Variants in MYT1L observed in about 807,000 individuals in gnomAD.
MYT1L encodes the protein myelin transcription factor 1 like, also known as myelin transcription factor 1-like protein.
A neutral mutation model predicts 126.7 loss-of-function variants in MYT1L; 12 were observed. That is an observed-to-expected ratio of 0.09 (90% confidence interval 0.06 to 0.15). The LOEUF is 0.15. MYT1L is among the 10% of genes least tolerant of loss of function. The pLI, the probability that MYT1L is intolerant of heterozygous loss-of-function variation, is 1.00. For missense variants in MYT1L, 979 were observed against 1,585.2 expected, an observed-to-expected ratio of 0.62 and a Z score of 6.49; for synonymous variants, 541 against 604.2, an observed-to-expected ratio of 0.90 and a Z score of 1.53.
At chr2:2,092,330 C>T (rs540718031) in intron 3 of MYT1L, among the ~76,000 whole-genome samples, 6 of 152,194 alleles carry the variant, frequency 3.9e-5, no homozygotes, top group East Asian at 1.9e-4. Flanking sequence ...GAATGACTGG[C>T]GGAACAGTCA....
At position 1,917,168 on chromosome 2, in the gene MYT1L, T is replaced by C. The variant is rs1314112816; in HGVS notation, c.1618+37A>G. 3 of 1,596,314 alleles carry C rather than the reference T, an allele frequency of 1.9e-6. No homozygotes were observed. The highest frequency in any genetic ancestry group is 2.6e-6 in the Non-Finnish European group (3 of 1,167,346). On this transcript the variant is annotated intron_variant, in intron 11 of 24. Transcript: ENST00000647738. This position sits in a 1 kb window ranked among gnomAD's most constrained non-coding sequence, Gnocchi z 5.9. ...ATGACAGAGACAGAGTCATGGGTGT[T>C]TGCACCCCCAAGGGTAGCGGTGAGA...
intron 19 of MYT1L, among the ~76,000 whole-genome samples, chr2:1,843,388 G>A (rs1030005187): frequency 6.6e-6 from 1 of 152,180 alleles, no homozygotes; most frequent in Non-Finnish European, 1.5e-5. Context: ...AGGAACCAAG[G>A]GGGGAATTAC....
In MYT1L at chr2:2,186,276, G is replaced by C. The variant is rs959735753; in HGVS notation, c.-420-13288C>G. Among the ~76,000 whole-genome samples, 46 of 150,494 alleles carry C rather than the reference G, an allele frequency of 3.1e-4. 1 individual carries two copies. Among genetic ancestry groups the C allele is most frequent in the African/African-American group, 1.1e-3 (43 of 40,674 alleles). On this transcript the variant is annotated intron_variant, in intron 2 of 24. Transcript: ENST00000647738. Reference sequence around the variant, plus strand: ...CCTTCCGGGCCTTCCCGAGTCCCGCGTTCCTTTCGTGAGGGGGACGTAGCC... The same window carrying C: ...CCTTCCGGGCCTTCCCGAGTCCCGCCTTCCTTTCGTGAGGGGGACGTAGCC...
intron 1 of MYT1L, among the ~76,000 whole-genome samples, chr2:2,318,782 A>G (rs148656959): frequency 1.3e-5 from 2 of 152,328 alleles, no homozygotes; most frequent in African/African-American, 4.8e-5. Flanking sequence ...ATATACAAGA[A>G]CCTAGCATCA....
chr2:1,802,276 T>A (rs2034996355), intron 22 of MYT1L, among the ~76,000 whole-genome samples: 3 of 152,020 alleles, frequency 2.0e-5, no homozygotes, highest in Non-Finnish European at 4.4e-5. Flanking sequence ...CTCACTCAGG[T>A]CAGGTTCTGG....
At chr2:2,144,285 C>T (rs2084527107) in intron 3 of MYT1L, among the ~76,000 whole-genome samples, 1 of 152,218 alleles carries the variant, frequency 6.6e-6, no homozygotes, top group East Asian at 1.9e-4. Context: ...CCCAGCCACC[C>T]CCACGCCTGG....
At position 1,979,050 on chromosome 2, in the gene MYT1L, G is replaced by T; in HGVS notation, c.152+115C>A. 1.3e-6 allele frequency: 1 copy of T among 772,932 alleles called. No individual in the cohort carries two copies. Among genetic ancestry groups the T allele is most frequent in the Non-Finnish European group, 2.2e-6 (1 of 460,192 alleles). The allele number at this position is 772,932 out of a possible 1,614,324, so 47.9% of individuals were successfully genotyped here. ...GTTCCAGTGTGAGAAGAAAAAGAAG[G>T]CATAATGTGTATTGCTTTCCAAGAA... On this transcript the variant is annotated intron_variant, in intron 8 of 24. Transcript: ENST00000647738. This position sits in a 1 kb window ranked among gnomAD's most constrained non-coding sequence, Gnocchi z 4.0.
intron 21 of MYT1L, among the ~76,000 whole-genome samples, chr2:1,818,894 G>C (rs1220720008): frequency 1.3e-5 from 2 of 152,190 alleles, no homozygotes; most frequent in Non-Finnish European, 2.9e-5. Flanking sequence ...AGCGTTTCTA[G>C]AACAGTGACC....
At chr2:1,973,844 C>G (rs1411532082) in intron 8 of MYT1L, among the ~76,000 whole-genome samples, 1 of 152,224 alleles carries the variant, frequency 6.6e-6, no homozygotes, top group African/African-American at 2.4e-5. Context: ...GCTCCCCAGG[C>G]CTCCCACACC....
intron 2 of MYT1L, among the ~76,000 whole-genome samples, chr2:2,261,918 T>C (rs907284719): frequency 3.3e-5 from 5 of 152,160 alleles, no homozygotes; most frequent in African/African-American, 9.7e-5. Flanking sequence ...GGGAAACAAA[T>C]TGTTGGAATG....
At chr2:1,857,993 G>A (rs549656162) in intron 18 of MYT1L, among the ~76,000 whole-genome samples, 5 of 152,054 alleles carry the variant, frequency 3.3e-5, no homozygotes, top group Non-Finnish European at 7.4e-5. Flanking sequence ...CTTCCCAGCA[G>A]CTGGGATTAC....
intron 1 of MYT1L, among the ~76,000 whole-genome samples, chr2:2,314,470 A>C (rs747643761): frequency 1.3e-5 from 2 of 152,220 alleles, no homozygotes; most frequent in African/African-American, 2.4e-5. Context: ...TTCAGGGCTC[A>C]TCCCAGATTC....
intron 2 of MYT1L, among the ~76,000 whole-genome samples, chr2:2,205,055 T>C (rs76723380): frequency 0.019 from 2,641 of 136,900 alleles, 28 homozygotes; most frequent in Non-Finnish European, 0.031. Context: ...AGGTGGGAAT[T>C]GAACAATGAG....
chr2:2,286,720 C>T (rs1371933683), intron 1 of MYT1L, among the ~76,000 whole-genome samples: 2 of 152,136 alleles, frequency 1.3e-5, no homozygotes, highest in Non-Finnish European at 2.9e-5. Flanking sequence ...CATCTGTGGT[C>T]AAGGGTGCCA....
chr2:1,845,798 A>G (rs974953448), intron 19 of MYT1L, among the ~76,000 whole-genome samples: 1 of 152,228 alleles, frequency 6.6e-6, no homozygotes, highest in African/African-American at 2.4e-5. Flanking sequence ...AGCTGCTCCC[A>G]TAGGCTTAGA....
intron 21 of MYT1L, chr2:1,809,835 T>A (rs1458378847): frequency 6.6e-6 from 1 of 152,530 alleles, no homozygotes; most frequent in Non-Finnish European, 1.5e-5. Flanking sequence ...GCGTCTCAGC[T>A]CTTCACAGTG....
chr2:2,164,981 CTGTT>C (rs753743516), intron 3 of MYT1L, among the ~76,000 whole-genome samples: 6 of 152,186 alleles, frequency 3.9e-5, no homozygotes, highest in Non-Finnish European at 7.3e-5. Flanking sequence ...GCTTAGAAAA[CTGTT>C]TGGCGGGGCT....
chr2:1,839,689 G>C (rs563718147), intron 20 of MYT1L, among the ~76,000 whole-genome samples: 1 of 152,322 alleles, frequency 6.6e-6, no homozygotes, highest in Admixed American at 6.5e-5. Flanking sequence ...CTACACAAGC[G>C]TGTGTTTAAA....
At chr2:1,797,806 C>A (rs1401354884) in intron 23 of MYT1L, among the ~76,000 whole-genome samples, 2 of 152,206 alleles carry the variant, frequency 1.3e-5, no homozygotes, top group Non-Finnish European at 2.9e-5. Context: ...TAACAAGCAA[C>A]CCCTTCCGCA....
Sources: gnomAD v4.1 joint callset for allele counts (sites outside exome capture counted in the v4.1 genomes callset) on GRCh38, gnomAD v4.1.1 for gene constraint, Gnocchi (gnomAD v3.1) non-coding constraint, MANE v1.5 for transcripts, NCBI Gene and HGNC (gene_info 2026-07-23, HGNC 2026-07-21) for gene names.